Variants in GPHN observed in about 807,000 individuals in gnomAD.
The protein encoded by GPHN is gephyrin.
GPHN carries 17 observed loss-of-function variants against 95.5 expected under a neutral mutation model. The ratio of observed to expected loss-of-function variants is 0.18; its 90% CI spans 0.12 to 0.27. The LOEUF (loss-of-function observed/expected upper bound fraction) is 0.27, where lower values mean the gene tolerates loss of function less well. GPHN is among the 10% of genes least tolerant of loss of function. GPHN has a pLI of 1.00. For missense variants in GPHN, 660 were observed against 978.1 expected (o/e 0.67, Z 4.34); for synonymous variants, 320 against 322.5 (o/e 0.99, Z 0.08).
chr14:66,743,564 T>C (rs2072988743), intron 2 of GPHN, among the ~76,000 whole-genome samples: 1 of 151,782 alleles, frequency 6.6e-6, no homozygotes, highest in Non-Finnish European at 1.5e-5. Flanking sequence ...GTGAAGCCCC[T>C]TCTCTAGTAA....
intron 8 of GPHN, among the ~76,000 whole-genome samples, chr14:66,942,519 GT>G (rs1567131068): frequency 6.6e-6 from 1 of 152,188 alleles, no homozygotes; most frequent in East Asian, 1.9e-4. Flanking sequence ...ATAACAAAAT[GT>G]CCAGGGTAGT....
intron 4 of GPHN, among the ~76,000 whole-genome samples, chr14:66,879,302 A>G (rs1035838549): frequency 2.6e-5 from 4 of 151,560 alleles, no homozygotes; most frequent in Non-Finnish European, 4.4e-5. Context: ...GTGTACGCCT[A>G]TGTAACAAAC....
chr14:67,257,100 GC>G, the GPHN span, among the ~76,000 whole-genome samples: 1 of 152,124 alleles, frequency 6.6e-6, no homozygotes, highest in East Asian at 1.9e-4. Context: ...TGAGGCGGGG[GC>G]TTTCAGTTGA....
chr14:66,825,213 A>G (rs1207430347), intron 4 of GPHN, among the ~76,000 whole-genome samples: 2 of 152,134 alleles, frequency 1.3e-5, no homozygotes, highest in Non-Finnish European at 2.9e-5. Flanking sequence ...AGGAAGCCAT[A>G]AACCACAGAT....
At chr14:67,342,032 C>G in the GPHN span, among the ~76,000 whole-genome samples, 46,784 of 151,256 alleles carry the variant, frequency 0.31, 11,120 homozygotes, top group African/African-American at 0.64. Context: ...CAAGTACCCA[C>G]GGACACAAAC....
the GPHN span, among the ~76,000 whole-genome samples, chr14:67,263,803 ACTTCTACT>A: frequency 2.0e-4 from 30 of 152,222 alleles, no homozygotes; most frequent in South Asian, 1.0e-3. Flanking sequence ...TGCTGCTTTT[ACTTCTACT>A]GTGACCTCCT....
chr14:66,944,829 A>G (rs534323252), intron 8 of GPHN, among the ~76,000 whole-genome samples: 3 of 152,220 alleles, frequency 2.0e-5, no homozygotes, highest in Non-Finnish European at 4.4e-5. Flanking sequence ...CACAGATGCA[A>G]TGCAGAGAGC....
intron 2 of GPHN, among the ~76,000 whole-genome samples, chr14:66,720,234 A>C (rs2070607717): frequency 6.6e-6 from 1 of 152,204 alleles, no homozygotes; most frequent in African/African-American, 2.4e-5. Flanking sequence ...AAAAATAAAG[A>C]GTAAAGGAAT....
intron 5 of GPHN, among the ~76,000 whole-genome samples, chr14:66,902,685 G>A (rs2065178917): frequency 6.6e-6 from 1 of 152,044 alleles, no homozygotes; most frequent in Non-Finnish European, 1.5e-5. Context: ...ATTTGCATAT[G>A]TTGAACCATC....
intron 2 of GPHN, among the ~76,000 whole-genome samples, chr14:66,759,654 A>G (rs892329841): frequency 3.3e-5 from 5 of 152,140 alleles, no homozygotes; most frequent in African/African-American, 1.2e-4. Context: ...TAGCAGAGGG[A>G]TGAATCTGGT....
the GPHN span, among the ~76,000 whole-genome samples, chr14:67,432,036 A>G: frequency 6.6e-6 from 1 of 152,220 alleles, no homozygotes; most frequent in African/African-American, 2.4e-5. Context: ...AAAATGTCAC[A>G]TAGAACAAAA....
At chr14:66,588,424 G>A (rs1171388286) in intron 1 of GPHN, among the ~76,000 whole-genome samples, 1 of 151,946 alleles carries the variant, frequency 6.6e-6, no homozygotes, top group Non-Finnish European at 1.5e-5. Context: ...TCAGAAGGTG[G>A]GTAATAACAA....
chr14:67,563,268 A>T, the GPHN span, among the ~76,000 whole-genome samples: 58 of 152,330 alleles, frequency 3.8e-4, no homozygotes, highest in African/African-American at 1.3e-3. Context: ...GACCTTGGAC[A>T]TGTTACTGAA....
chr14:67,508,767 A>AAAAAAAAAAAAAAAAAAAAAAAAAAG, the GPHN span, among the ~76,000 whole-genome samples: 2 of 150,882 alleles, frequency 1.3e-5, no homozygotes, highest in Non-Finnish European at 3.0e-5. Context: ...AAAAAAAAAA[A>AAAAAAAAAAAAAAAAAAAAAAAAAAG]AAAACAGAAG....
At chr14:67,546,133 G>A in the GPHN span, among the ~76,000 whole-genome samples, 1 of 152,106 alleles carries the variant, frequency 6.6e-6, no homozygotes, top group Non-Finnish European at 1.5e-5. Flanking sequence ...ATGTAACCCA[G>A]GTATTTTTAC....
At chr14:66,640,873 C>A (rs7152169) in intron 1 of GPHN, among the ~76,000 whole-genome samples, 2 of 152,002 alleles carry the variant, frequency 1.3e-5, no homozygotes, top group South Asian at 4.1e-4. Flanking sequence ...TGTAGTAAAG[C>A]TTATTCTTCC....
the GPHN span, among the ~76,000 whole-genome samples, chr14:67,682,372 C>T: frequency 1.3e-5 from 2 of 152,172 alleles, no homozygotes; most frequent in Non-Finnish European, 2.9e-5. Context: ...TGACAAGGAA[C>T]TCGCATCTAG....
At chr14:66,938,700 T>C (rs1045472099) in intron 8 of GPHN, among the ~76,000 whole-genome samples, 3 of 152,212 alleles carry the variant, frequency 2.0e-5, no homozygotes, top group Non-Finnish European at 4.4e-5. Flanking sequence ...ACTATCTCTG[T>C]TGAACACACA....
the GPHN span, among the ~76,000 whole-genome samples, chr14:67,492,170 G>T: frequency 1.3e-5 from 2 of 151,576 alleles, no homozygotes; most frequent in Non-Finnish European, 2.9e-5. Context: ...CAACTCCATC[G>T]CCTTGGAGGG....
Sources: allele counts gnomAD v4.1 joint callset (sites outside exome capture counted in the v4.1 genomes callset), GRCh38; gene constraint gnomAD v4.1.1; transcripts MANE v1.5; gene names NCBI Gene and HGNC (gene_info 2026-07-23, HGNC 2026-07-21).